The following ASCC2 variants were observed in gnomAD, a reference collection of about 807,000 sequenced individuals.
ASCC2 encodes the protein ASC-1 complex subunit P100.
A neutral mutation model predicts 93.5 loss-of-function variants in ASCC2; 42 were observed. The ratio of observed to expected loss-of-function variants is 0.45; its 90% CI spans 0.35 to 0.58. The LOEUF (loss-of-function observed/expected upper bound fraction) is 0.58, where lower values mean the gene tolerates loss of function less well. Among genes scored for constraint, ASCC2 ranks in the 20% least tolerant of loss-of-function variants. The pLI, the probability that ASCC2 is intolerant of heterozygous loss-of-function variation, is 0.00. For synonymous variants in ASCC2, 364 were observed against 384.2 expected (o/e 0.95, Z 0.62); for missense variants, 859 against 977.6 (o/e 0.88, Z 1.62).
chr22:29,825,574 T>C lies in ASCC2; in HGVS notation c.240+48A>G. 6.2e-7 allele frequency: 1 copy of C among 1,612,870 alleles called. No individual in the cohort carries two copies. Among genetic ancestry groups the C allele is most frequent in the South Asian group, 1.1e-5 (1 of 90,990 alleles). On this transcript the variant is annotated intron_variant, in intron 3 of 19. Transcript: ENST00000307790. The surrounding 1 kb of genome is among the most constrained non-coding windows in gnomAD (Gnocchi z 4.9). Reference sequence around the variant, plus strand: ...AAAAACAACAACAGCAACCAACCAATGGCATGTCATGTGCTTTGTCTTAGC... The same window carrying C: ...AAAAACAACAACAGCAACCAACCAACGGCATGTCATGTGCTTTGTCTTAGC...
chr22:29,793,819 G>C (rs1178226593), intron 15 of ASCC2, 143 bp from the exon 16 acceptor site: 1 of 803,194 alleles, frequency 1.2e-6, no homozygotes, highest in Admixed American at 2.4e-5. Flanking sequence ...ATTGGTGAGG[G>C]CGTGGGAGGG....
Position 29,789,125 on chromosome 22 carries a change from C to A in ASCC2, c.2162G>T (p.Arg721Leu), listed in dbSNP as rs139016848. ...AGSPRGHGQS[R>L]ETTQERRKKE... ...CTTCCTGCGTTCCTGGGTTGTCTCGCGGCTCTGCCCATGGCCTCGGGGGCT... is the reference window on the plus strand; with the variant it reads ...CTTCCTGCGTTCCTGGGTTGTCTCGAGGCTCTGCCCATGGCCTCGGGGGCT... Residue 721 changes from arginine (R) to leucine (L), a missense_variant, in exon 20 of 20, where the codon CGC becomes CTC. Coordinates refer to ENST00000307790, the MANE Select transcript of ASCC2 (RefSeq NM_032204.5). 5 of 1,614,066 alleles carry A rather than the reference C, an allele frequency of 3.1e-6. No homozygotes were observed. Among genetic ancestry groups the A allele is most frequent in the African/African-American group, 2.7e-5 (2 of 74,940 alleles).
intron 2 of ASCC2, among the ~76,000 whole-genome samples, chr22:29,827,856 G>C (rs1232672453): frequency 1.4e-4 from 6 of 43,144 alleles, no homozygotes; most frequent in Admixed American, 5.5e-4. Context: ...TCATTCTCCT[G>C]ACACACACAC....
chr22:29,792,678 A>G, intron 17 of ASCC2, 143 bp from the exon 18 acceptor site: 1 of 1,166,688 alleles, frequency 8.6e-7, no homozygotes, highest in Admixed American at 2.4e-5. Context: ...TTCAAGCCAG[A>G]TTTGCTCCAG....
At chr22:29,794,349 G>A (rs989322486) in intron 15 of ASCC2, among the ~76,000 whole-genome samples, 5 of 152,106 alleles carry the variant, frequency 3.3e-5, no homozygotes, top group Admixed American at 1.3e-4. Context: ...AAAATTAGCC[G>A]GGCATAGTGG....
chr22:29,802,323 C>T, intron 13 of ASCC2, 115 bp from the exon 14 acceptor site: 5 of 989,584 alleles, frequency 5.1e-6, no homozygotes, highest in Non-Finnish European at 7.4e-6. Flanking sequence ...CCTGGGATTA[C>T]CCCTCCTGCC....
intron 15 of ASCC2, among the ~76,000 whole-genome samples, chr22:29,800,535 T>C (rs533198947): frequency 1.3e-5 from 2 of 152,184 alleles, no homozygotes; most frequent in Non-Finnish European, 2.9e-5. Context: ...GCCAAAAAAG[T>C]AGGAAGGACA....
chr22:29,802,311 G>T, intron 13 of ASCC2, 103 bp from the exon 14 acceptor site: 1 of 1,159,626 alleles, frequency 8.6e-7, no homozygotes, highest in Non-Finnish European at 1.2e-6. Flanking sequence ...TCTGGTTCAA[G>T]TCCTGGGATT....
At chr22:29,800,891 T>C (rs2059001948) in intron 15 of ASCC2, 100 bp downstream of exon 15, 10 of 1,435,566 alleles carry the variant, frequency 7.0e-6, no homozygotes, top group Admixed American at 2.1e-5. Flanking sequence ...GTGCTGATAC[T>C]CCATGGCCAA....
chr22:29,822,618 C>T (rs918532384), intron 4 of ASCC2, among the ~76,000 whole-genome samples, 154 bp from the exon 5 acceptor site: 2 of 151,022 alleles, frequency 1.3e-5, no homozygotes, highest in South Asian at 2.1e-4. Context: ...ATTCTCCCCC[C>T]GCCCTTTTTT....
chr22:29,821,284 A>G (rs1276746131), intron 5 of ASCC2, among the ~76,000 whole-genome samples: 1 of 152,194 alleles, frequency 6.6e-6, no homozygotes, highest in Non-Finnish European at 1.5e-5. Context: ...TTTGCAACCC[A>G]GAAGAGCCCT....
intron 5 of ASCC2, among the ~76,000 whole-genome samples, chr22:29,819,281 C>T (rs1438854024): frequency 6.6e-6 from 1 of 152,216 alleles, no homozygotes; most frequent in African/African-American, 2.4e-5. Flanking sequence ...CTGCCTCAGC[C>T]TCCCAACTAG....
intron 19 of ASCC2, 47 bp downstream of exon 19, chr22:29,790,422 C>A: frequency 6.2e-7 from 1 of 1,601,018 alleles, no homozygotes; most frequent in Non-Finnish European, 8.6e-7. Context: ...AGGCCCTCCC[C>A]AGATGGTGGG....
chr22:29,819,309 T>C (rs2061281590), intron 5 of ASCC2, among the ~76,000 whole-genome samples: 1 of 152,100 alleles, frequency 6.6e-6, no homozygotes, highest in Non-Finnish European at 1.5e-5. Context: ...TACAGGTGCC[T>C]GCCACCATGC....
At position 29,822,436 on chromosome 22, in the gene ASCC2, C is replaced by T; in HGVS notation, c.440G>A (p.Gly147Glu). 6.2e-7 allele frequency: 1 copy of T among 1,613,874 alleles called. No homozygotes were observed. Among genetic ancestry groups the T allele is most frequent in the Non-Finnish European group, 8.5e-7 (1 of 1,179,944 alleles). Reference sequence around the variant, plus strand: ...GAGGAAGTTATTGTAGAGGATTTCTCCAAACGCAGAAGGGGAAATGAAGTG... The same window carrying T: ...GAGGAAGTTATTGTAGAGGATTTCTTCAAACGCAGAAGGGGAAATGAAGTG... ...KDHFISPSAF[G>E]EILYNNFLFD... is the part of the protein sequence containing the mutation. The change falls in exon 5 of 20, where the codon GGA (glycine) becomes GAA (glutamate). Residue 147 changes from glycine to glutamate, a missense_variant. Coordinates refer to ENST00000307790, the MANE Select transcript of ASCC2 (RefSeq NM_032204.5).
intron 5 of ASCC2, among the ~76,000 whole-genome samples, chr22:29,820,667 C>T (rs1330818889): frequency 6.6e-6 from 1 of 151,848 alleles, no homozygotes; most frequent in East Asian, 1.9e-4. Context: ...GGCGCAGTGG[C>T]TCACCGCCTG....
chr22:29,822,518 A>C, intron 4 of ASCC2, 54 bp from the exon 5 acceptor site: 1 of 1,593,890 alleles, frequency 6.3e-7, no homozygotes, highest in Non-Finnish European at 8.6e-7. Flanking sequence ...CTCCTACATT[A>C]TAAATAGCAA....
chr22:29,828,380 T>C (rs1185889617), intron 2 of ASCC2, among the ~76,000 whole-genome samples: 1 of 152,102 alleles, frequency 6.6e-6, no homozygotes, highest in Non-Finnish European at 1.5e-5. Flanking sequence ...TTTTTTAATC[T>C]ACAAAAACTA....
chr22:29,806,840 T>A lies in ASCC2; in HGVS notation c.973A>T (p.Ile325Phe). Residue 325 changes from isoleucine (I) to phenylalanine (F), a missense_variant, in exon 10 of 20, where the codon ATC becomes TTC. By Grantham distance (21) the Ile-to-Phe change is conservative. Coordinates refer to ENST00000307790, the MANE Select transcript of ASCC2 (RefSeq NM_032204.5). ...SRKKLMEIFH[I>F]ILNQICLLPI... Reference sequence around the variant, plus strand: ...AGGAGGCAGATCTGGTTCAGGATGATGTGGAAAATCTCCATTAGCTTCTTC... The same window carrying A: ...AGGAGGCAGATCTGGTTCAGGATGAAGTGGAAAATCTCCATTAGCTTCTTC... 6.2e-7 allele frequency: 1 copy of A among 1,614,068 alleles called. No individual in the cohort carries two copies. The highest frequency in any genetic ancestry group is 2.2e-5 in the East Asian group (1 of 44,884).
Sources: allele counts gnomAD v4.1 joint callset (sites outside exome capture counted in the v4.1 genomes callset), GRCh38; gene constraint gnomAD v4.1.1; non-coding constraint Gnocchi (gnomAD v3.1); transcripts MANE v1.5; gene names NCBI Gene and HGNC (gene_info 2026-07-23, HGNC 2026-07-21).